Variants in ADAMTS9 observed in about 807,000 individuals in gnomAD.
ADAMTS9 encodes the protein ADAM metallopeptidase with thrombospondin type 1 motif 9.
In ADAMTS9, 107 loss-of-function variants were observed where a neutral mutation model predicts 257.1. The ratio of observed to expected loss-of-function variants is 0.42; its 90% CI spans 0.36 to 0.49. ADAMTS9 has a LOEUF of 0.49. Ranked by LOEUF, ADAMTS9 falls within the 20% of genes least tolerant of loss-of-function variation. The pLI is 0.03. For synonymous variants in ADAMTS9, 982 were observed against 880.9 expected, an observed-to-expected ratio of 1.11 and a Z score of -2.03; for missense variants, 2,353 against 2,469.1, an observed-to-expected ratio of 0.95 and a Z score of 1.00.
intron 28 of ADAMTS9, chr3:64,584,012 G>C (rs1227787277): frequency 1.3e-5 from 2 of 151,940 alleles, no homozygotes; most frequent in South Asian, 2.1e-4. Context: ...CCTGCGGGGG[G>C]CTCGGATATG....
rs377132152 is a variant in ADAMTS9, at chr3:64,604,380, A to G, written c.3475-49T>C. On this transcript the variant is annotated intron_variant, in intron 23 of 39. Coordinates refer to ENST00000498707, the MANE Select transcript of ADAMTS9 (RefSeq NM_182920.2). Reference sequence around the variant, plus strand: ...AACAAAGTCACTTTCAAGTCAATGCACTTTCAAGGTAATGGTCATGGTGGA... The same window carrying G: ...AACAAAGTCACTTTCAAGTCAATGCGCTTTCAAGGTAATGGTCATGGTGGA... The G allele has an allele frequency of 9.1e-5, 121 of 1,324,158 alleles. No homozygotes were observed. In the Middle Eastern group the frequency reaches 1.5e-3, roughly 16 times the overall value. 82.0% of individuals were successfully genotyped at this position (1,324,158 alleles called of 1,614,324 possible).
intron 28 of ADAMTS9, among the ~76,000 whole-genome samples, chr3:64,592,073 A>C (rs2084272868): frequency 6.6e-6 from 1 of 152,204 alleles, no homozygotes. Flanking sequence ...TCAAAACTCT[A>C]CAGTAAGAAT....
intron 39 of ADAMTS9, among the ~76,000 whole-genome samples, chr3:64,520,046 T>C (rs1336096312): frequency 6.6e-6 from 1 of 152,128 alleles, no homozygotes; most frequent in East Asian, 1.9e-4. Context: ...AAGAAAACCC[T>C]AAATATTCCA....
At chr3:64,571,046 AC>A (rs2083672900) in intron 28 of ADAMTS9, among the ~76,000 whole-genome samples, 1 of 152,234 alleles carries the variant, frequency 6.6e-6, no homozygotes, top group Admixed American at 6.5e-5. Context: ...ACTTCAATAT[AC>A]AAATAGTCCA....
chr3:64,568,245 T>A lies in ADAMTS9; in HGVS notation c.4524+123A>T, dbSNP rs1224635583. ...GACTATCTAGGTAATGATTCTCCCC[T>A]CCCAGTCCCCGAGCTCCCCTCGGTA... On this transcript the variant is annotated intron_variant, in intron 29 of 39. Coordinates refer to ENST00000498707, the MANE Select transcript of ADAMTS9 (RefSeq NM_182920.2). The A allele has an allele frequency of 7.0e-6, 7 of 1,002,526 alleles. No individual in the cohort carries two copies. The African/African-American group carries it at 8.2e-5, about 12-fold the overall frequency. The allele number at this position is 1,002,526 out of a possible 1,614,324, so 62.1% of individuals were successfully genotyped here. A position where few individuals can be genotyped will look rare whatever the true frequency, so the allele number is the denominator to read the frequency against.
chr3:64,623,789 G>T, intron 16 of ADAMTS9, among the ~76,000 whole-genome samples: 1 of 152,066 alleles, frequency 6.6e-6, no homozygotes, highest in East Asian at 1.9e-4. Context: ...AAGAATGTTG[G>T]GATCATTTTA....
At chr3:64,641,085 T>TG (rs1243464883) in intron 12 of ADAMTS9, among the ~76,000 whole-genome samples, 8 of 151,828 alleles carry the variant, frequency 5.3e-5, no homozygotes, top group Non-Finnish European at 1.0e-4. Context: ...ACATTATTGG[T>TG]GGGAAAAAAA....
At chr3:64,681,398 G>C (rs201976093) in intron 2 of ADAMTS9, 35 bp from the exon 3 acceptor site, 11 of 1,579,390 alleles carry the variant, frequency 7.0e-6, no homozygotes, top group Non-Finnish European at 9.5e-6. Context: ...TTGATTTAAC[G>C]TAACTCAGTC....
At chr3:64,678,149 G>C (rs897382472) in intron 3 of ADAMTS9, among the ~76,000 whole-genome samples, 1 of 152,194 alleles carries the variant, frequency 6.6e-6, no homozygotes, top group Non-Finnish European at 1.5e-5. Flanking sequence ...GGCTAGGGAA[G>C]GTTCGGATGG....
Position 64,601,960 on chromosome 3 carries a change from G to T in ADAMTS9, c.4001C>A (p.Thr1334Asn), listed in dbSNP as rs1197455693. 8.7e-6 allele frequency: 14 copies of T among 1,609,134 alleles called. No individual in the cohort carries two copies. The highest frequency in any genetic ancestry group is 1.1e-5 in the Non-Finnish European group (13 of 1,177,212). ...AATACTCACTGCTCCCCAGGGGCCAGTTCTCCACTGGTTTCCACCGAGCAC... is the reference window on the plus strand; with the variant it reads ...AATACTCACTGCTCCCCAGGGGCCATTTCTCCACTGGTTTCCACCGAGCAC... The part of the protein sequence containing the change: ...THVLGGNQWR[T>N]GPWGACSSTC... The change falls in exon 26 of 40, where the codon ACT becomes AAT. Residue 1334 changes from threonine (T) to asparagine (N), a missense_variant. Coordinates refer to ENST00000498707, the MANE Select transcript of ADAMTS9 (RefSeq NM_182920.2).
intron 39 of ADAMTS9, among the ~76,000 whole-genome samples, chr3:64,517,416 G>GTTTTTTTTGTTTTTTTT (rs1553698668): frequency 7.6e-5 from 4 of 52,670 alleles, no homozygotes; most frequent in East Asian, 6.9e-4. Flanking sequence ...ATTAAAAATG[G>GTTTTTTTTGTTTTTTTT]TTTTTTTTTT....
At chr3:64,629,924 T>C (rs963799886) in intron 16 of ADAMTS9, among the ~76,000 whole-genome samples, 2 of 152,228 alleles carry the variant, frequency 1.3e-5, no homozygotes, top group African/African-American at 4.8e-5. Flanking sequence ...AAAACAGAGA[T>C]ATAGACTTTA....
chr3:64,601,694 G>A (rs1045313955), intron 26 of ADAMTS9, among the ~76,000 whole-genome samples: 1 of 152,138 alleles, frequency 6.6e-6, no homozygotes, highest in Non-Finnish European at 1.5e-5. Context: ...AGGAGGCCAT[G>A]TGATCATATC....
chr3:64,588,946 C>A (rs557494187), intron 28 of ADAMTS9: 80 of 152,232 alleles, frequency 5.3e-4, no homozygotes, highest in African/African-American at 1.7e-3. Context: ...CTTTGTTCCA[C>A]AAAAAACTAT....
chr3:64,548,280 G>A (rs1159569202), intron 31 of ADAMTS9, among the ~76,000 whole-genome samples: 1 of 152,136 alleles, frequency 6.6e-6, no homozygotes, highest in Non-Finnish European at 1.5e-5. Flanking sequence ...AGCATCCCTA[G>A]GCCTTCCCTT....
At chr3:64,634,754 G>A (rs1159119304) in intron 12 of ADAMTS9, among the ~76,000 whole-genome samples, 1 of 152,124 alleles carries the variant, frequency 6.6e-6, no homozygotes, top group Non-Finnish European at 1.5e-5. Flanking sequence ...AACTGCCCTA[G>A]GACAACCCTG....
intron 30 of ADAMTS9, among the ~76,000 whole-genome samples, chr3:64,557,634 G>A (rs1164764645): frequency 1.3e-5 from 2 of 152,110 alleles, no homozygotes; most frequent in Non-Finnish European, 2.9e-5. Flanking sequence ...AGTCTACTTT[G>A]GGATGGCCTA....
intron 14 of ADAMTS9, among the ~76,000 whole-genome samples, chr3:64,633,218 G>A (rs1325269761): frequency 6.6e-6 from 1 of 152,160 alleles, no homozygotes; most frequent in South Asian, 2.1e-4. Flanking sequence ...TTTTTAAGGA[G>A]AGGTTTTGTG....
intron 38 of ADAMTS9, among the ~76,000 whole-genome samples, chr3:64,528,725 T>C (rs1007048641): frequency 1.3e-5 from 2 of 152,230 alleles, no homozygotes; most frequent in Admixed American, 6.5e-5. Context: ...ATAACATTAA[T>C]AGCCAGTACT....
Sources: gnomAD v4.1 joint callset for allele counts (sites outside exome capture counted in the v4.1 genomes callset) on GRCh38, gnomAD v4.1.1 for gene constraint, MANE v1.5 for transcripts, NCBI Gene and HGNC (gene_info 2026-07-23, HGNC 2026-07-21) for gene names.